The following ADNP variants were observed in gnomAD, a reference collection of about 807,000 sequenced individuals.
ADNP encodes activity dependent neuroprotector homeobox.
Under a neutral mutation model 84.9 loss-of-function variants are expected in ADNP, and 4 were observed. That is an observed-to-expected ratio of 0.05 (90% CI 0.02 to 0.11). ADNP has a LOEUF of 0.11. ADNP is among the 10% of genes least tolerant of loss of function. The pLI is 1.00. For missense variants in ADNP, 1,132 were observed against 1,326.0 expected, an observed-to-expected ratio of 0.85 and a Z score of 2.27; for synonymous variants, 554 against 468.1, an observed-to-expected ratio of 1.18 and a Z score of -2.37.
In ADNP at chr20:50,904,008, G is replaced by A. The variant is rs1600956721; in HGVS notation, c.-5-7C>T. 6.3e-7 allele frequency: 1 copy of A among 1,596,006 alleles called. No individual in the cohort carries two copies. The highest frequency in any genetic ancestry group is 8.5e-7 in the Non-Finnish European group (1 of 1,170,524). On this transcript the variant is annotated splice_region_variant and splice_polypyrimidine_tract_variant and intron_variant, in intron 3 of 5. Coordinates refer to ENST00000621696, the MANE Select transcript of ADNP (RefSeq NM_001282531.3). ...GGAAGTTGGAACATAGTTTCTATTG[G>A]AAAAAAAAATTTAAGTCAAAGTCAA...
In ADNP at chr20:50,892,000, T is replaced by C. The variant is rs2122740047; in HGVS notation, c.2714A>G (p.Asn905Ser). ...PVFEVEPKIS[N>S]DNPEEHVLKV... is the part of the protein sequence containing the mutation. ...CAGTACATGTTCCTCTGGGTTATCG[T>C]TAGAGATTTTAGGTTCAACTTCAAA... Residue 905 changes from asparagine (N) to serine (S), a missense_variant, in exon 6 of 6, where the codon AAC becomes AGC. Asn to Ser is a conservative substitution (Grantham distance 46). This residue lies in a region of ADNP where 381 missense variants were observed against 319.9 expected (regional missense o/e 1.19). Coordinates refer to ENST00000621696, the MANE Select transcript of ADNP (RefSeq NM_001282531.3). The C allele has an allele frequency of 1.2e-6, 2 of 1,614,210 alleles. No individual in the cohort carries two copies. Among genetic ancestry groups the C allele is most frequent in the Non-Finnish European group, 8.5e-7 (1 of 1,180,038 alleles).
chr20:50,929,205 A>C (rs1181207479), intron 1 of ADNP, among the ~76,000 whole-genome samples: 2 of 152,218 alleles, frequency 1.3e-5, no homozygotes, highest in African/African-American at 4.8e-5. Context: ...CTCCTTTACC[A>C]CCAGACTTAG....
At chr20:50,924,176 AGACT>A (rs751515100) in intron 2 of ADNP, among the ~76,000 whole-genome samples, 16 of 152,378 alleles carry the variant, frequency 1.1e-4, no homozygotes, top group East Asian at 3.9e-4. Context: ...TGCTCAGGAC[AGACT>A]GACTGTCTTA....
intron 5 of ADNP, among the ~76,000 whole-genome samples, chr20:50,898,418 G>C (rs1010615622): frequency 1.3e-5 from 2 of 152,190 alleles, no homozygotes; most frequent in African/African-American, 4.8e-5. Flanking sequence ...GTGCACCTGT[G>C]TCTGCTCTTC....
At chr20:50,904,190 T>A in intron 3 of ADNP, 189 bp from the exon 4 acceptor site, 1 of 575,196 alleles carries the variant, frequency 1.7e-6, no homozygotes, top group Non-Finnish European at 3.1e-6. Flanking sequence ...TATCCATCCA[T>A]CCATCCTTCC....
At chr20:50,909,011 G>C (rs1982768351) in intron 2 of ADNP, among the ~76,000 whole-genome samples, 1 of 151,796 alleles carries the variant, frequency 6.6e-6, no homozygotes, top group African/African-American at 2.4e-5. Context: ...CCCAGAGATG[G>C]GTTTTGACAT....
At chr20:50,922,253 A>C (rs914425955) in intron 2 of ADNP, among the ~76,000 whole-genome samples, 1 of 152,190 alleles carries the variant, frequency 6.6e-6, no homozygotes, top group Non-Finnish European at 1.5e-5. Context: ...GACACTGTCT[A>C]CCTGGATACA....
intron 2 of ADNP, among the ~76,000 whole-genome samples, chr20:50,919,603 C>T (rs532837942): frequency 2.0e-5 from 3 of 152,138 alleles, no homozygotes; most frequent in African/African-American, 7.2e-5. Flanking sequence ...GTAAAAGAGG[C>T]GATGTATCAG....
In ADNP at chr20:50,892,595, T is replaced by G; in HGVS notation, c.2119A>C (p.Asn707His). 1.2e-6 allele frequency: 2 copies of G among 1,614,232 alleles called. No homozygotes were observed. The highest frequency in any genetic ancestry group is 1.7e-6 in the Non-Finnish European group (2 of 1,180,046). The change falls in exon 6 of 6, where the codon AAT becomes CAT. Residue 707 changes from asparagine (N) to histidine (H), a missense_variant. Physicochemically the swap from Asn to His is moderately conservative, Grantham distance 68. This residue lies in a region of ADNP where 101 missense variants were observed against 78.5 expected (regional missense o/e 1.29). Transcript: ENST00000621696. ...ACAGGTGCCAGACTTGGAGACTGAT[T>G]AAGCCGAGAGGGTGCATTTGTCTTA... ...QDKTNAPSRL[N>H]QSPSLAPVKR...
chr20:50,919,305 A>ATATATATATATATATATG (rs1168718295), intron 2 of ADNP, among the ~76,000 whole-genome samples: 19 of 136,912 alleles, frequency 1.4e-4, no homozygotes, highest in African/African-American at 5.8e-4. Flanking sequence ...ATATATATAT[A>ATATATATATATATATATG]TATATATATA....
chr20:50,891,240 G>A lies in ADNP; in HGVS notation c.*165C>T. 7.3e-7 allele frequency: 1 copy of A among 1,376,494 alleles called. No individual in the cohort carries two copies. Among genetic ancestry groups the A allele is most frequent in the Middle Eastern group, 2.7e-4 (1 of 3,762 alleles). 85.3% of individuals were successfully genotyped at this position (1,376,494 alleles called of 1,614,324 possible). On this transcript the variant is annotated 3_prime_UTR_variant, in exon 6 of 6. Coordinates refer to ENST00000621696, the MANE Select transcript of ADNP (RefSeq NM_001282531.3). ...GAAGGTTCTGAAGCAAGAACAGCCTGTCCTGTCATAGACTTAGAAATAACC... is the reference window on the plus strand; with the variant it reads ...GAAGGTTCTGAAGCAAGAACAGCCTATCCTGTCATAGACTTAGAAATAACC...
Position 50,892,012 on chromosome 20 carries a change from G to C in ADNP, c.2702C>G (p.Pro901Arg). The change falls in exon 6 of 6, where the codon CCT (proline) becomes CGT (arginine). Residue 901 changes from proline (P) to arginine (R), a missense_variant. Physicochemically the swap from Pro to Arg is moderately radical, Grantham distance 103. This residue lies in a region of ADNP where 381 missense variants were observed against 319.9 expected (regional missense o/e 1.19). Coordinates refer to ENST00000621696, the MANE Select transcript of ADNP (RefSeq NM_001282531.3). ...SPFDPVFEVE[P>R]KISNDNPEEH... ...CTCTGGGTTATCGTTAGAGATTTTA[G>C]GTTCAACTTCAAAAACAGGGTCAAA... 1 of 1,614,112 alleles carries C rather than the reference G, an allele frequency of 6.2e-7. No homozygotes were observed.
At chr20:50,921,438 T>C (rs1265506846) in intron 2 of ADNP, among the ~76,000 whole-genome samples, 2 of 152,228 alleles carry the variant, frequency 1.3e-5, no homozygotes, top group Non-Finnish European at 2.9e-5. Context: ...CTTACAGTTA[T>C]GTAGAAACAT....
In ADNP at chr20:50,894,430, T is replaced by C. The variant is rs1981176415; in HGVS notation, c.284A>G (p.Asn95Ser). 6.2e-7 allele frequency: 1 copy of C among 1,613,838 alleles called. No homozygotes were observed. Residue 95 changes from asparagine (N) to serine (S), a missense_variant, in exon 6 of 6, where the codon AAT becomes AGT. Coordinates refer to ENST00000621696, the MANE Select transcript of ADNP (RefSeq NM_001282531.3). Reference sequence around the variant, plus strand: ...ATTTTCAAAGTCTTCACTATGGACATTGCGGAAATGACTTTTGTAGGCAGA... The same window carrying C: ...ATTTTCAAAGTCTTCACTATGGACACTGCGGAAATGACTTTTGTAGGCAGA... ...FFSAYKSHFR[N>S]VHSEDFENRI...
At chr20:50,915,038 A>G (rs1983404512) in intron 2 of ADNP, among the ~76,000 whole-genome samples, 2 of 152,240 alleles carry the variant, frequency 1.3e-5, no homozygotes, top group South Asian at 4.1e-4. Flanking sequence ...AGGAAGTTTT[A>G]AAGTACCTAT....
intron 2 of ADNP, among the ~76,000 whole-genome samples, chr20:50,909,070 TAAAA>T (rs745349074): frequency 9.4e-5 from 13 of 138,876 alleles, no homozygotes. Flanking sequence ...GGATGGCCAT[TAAAA>T]AAAAAAAAAA....
intron 2 of ADNP, among the ~76,000 whole-genome samples, chr20:50,927,560 CT>C (rs10716858): frequency 0.42 from 59,902 of 144,294 alleles, 12,262 homozygotes; most frequent in African/African-American, 0.56. Context: ...AATTGTTTCA[CT>C]TTTTTTTTTT....
chr20:50,928,791 G>C lies in ADNP; in HGVS notation c.-230C>G, dbSNP rs1984452334. On this transcript the variant is annotated 5_prime_UTR_variant, in exon 2 of 6. Transcript: ENST00000621696. ...CAACCCTGCGCATCATGGTGTAAAA[G>C]CTGGGGCCTAGGTTTCGCATTGTGC... 2 of 152,260 alleles carry C rather than the reference G, an allele frequency of 1.3e-5. No individual in the cohort carries two copies. Among genetic ancestry groups the C allele is most frequent in the Non-Finnish European group, 2.9e-5 (2 of 68,064 alleles). 9.4% of individuals were successfully genotyped at this position (152,260 alleles called of 1,614,324 possible).
Position 50,890,286 on chromosome 20 carries a change from T to C in ADNP, c.*1119A>G, listed in dbSNP as rs1333541169. 5.9e-6 allele frequency: 1 copy of C among 169,740 alleles called. No individual in the cohort carries two copies. The highest frequency in any genetic ancestry group is 1.3e-5 in the Non-Finnish European group (1 of 79,714). 10.5% of individuals were successfully genotyped at this position (169,740 alleles called of 1,614,324 possible). A position where few individuals can be genotyped will look rare whatever the true frequency, so the allele number is the denominator to read the frequency against. On this transcript the variant is annotated 3_prime_UTR_variant, in exon 6 of 6. Transcript: ENST00000621696. ...CATCTCTGATGAAAGAGTTATGGCA[T>C]TAAATGGCAAAAGATATAATGGACA...
Sources: allele counts gnomAD v4.1 joint callset (sites outside exome capture counted in the v4.1 genomes callset), GRCh38; gene constraint gnomAD v4.1.1; regional missense constraint gnomAD v4.1.1; transcripts MANE v1.5; gene names NCBI Gene and HGNC (gene_info 2026-07-23, HGNC 2026-07-21).